Variants in KCNN2 observed in about 807,000 individuals in gnomAD.
KCNN2 encodes the protein potassium calcium-activated channel subfamily N member 2.
A neutral mutation model predicts 55.5 loss-of-function variants in KCNN2; 24 were observed. That is an observed-to-expected ratio of 0.43 (90% CI 0.31 to 0.61). The LOEUF is 0.61. Among genes scored for constraint, KCNN2 ranks in the 20% least tolerant of loss-of-function variants. KCNN2 has a pLI of 0.08. For synonymous variants in KCNN2, 431 were observed against 336.1 expected (o/e 1.28, Z -3.09); for missense variants, 754 against 853.6 (o/e 0.88, Z 1.45).
chr5:114,467,726 G>A (rs556761193), intron 4 of KCNN2, among the ~76,000 whole-genome samples: 72 of 151,964 alleles, frequency 4.7e-4, no homozygotes, highest in African/African-American at 1.3e-3. Context: ...GACAGCTGCC[G>A]TCTTCCGGGT....
intron 2 of KCNN2, among the ~76,000 whole-genome samples, chr5:114,283,383 A>G (rs1470428739): frequency 6.6e-6 from 1 of 152,068 alleles, no homozygotes; most frequent in Non-Finnish European, 1.5e-5. Context: ...TTTCTAGTTC[A>G]TTAGTTTTTG....
At chr5:114,315,136 C>A (rs1440742703) in intron 2 of KCNN2, among the ~76,000 whole-genome samples, 1 of 152,116 alleles carries the variant, frequency 6.6e-6, no homozygotes, top group Non-Finnish European at 1.5e-5. Flanking sequence ...CCATCCTTGT[C>A]CCAGGAAGAC....
At chr5:114,124,410 C>T (rs1419919040) in intron 1 of KCNN2, among the ~76,000 whole-genome samples, 12 of 152,178 alleles carry the variant, frequency 7.9e-5, no homozygotes, top group African/African-American at 2.6e-4. Flanking sequence ...TAAGGGACAC[C>T]GTATGGAACT....
chr5:114,452,514 A>G (rs933559167), intron 3 of KCNN2, among the ~76,000 whole-genome samples: 3 of 152,228 alleles, frequency 2.0e-5, no homozygotes, highest in Non-Finnish European at 2.9e-5. Flanking sequence ...CAGTGCCTCC[A>G]AAAGTTTCTT....
intron 3 of KCNN2, among the ~76,000 whole-genome samples, chr5:114,410,480 A>G (rs772618550): frequency 5.3e-5 from 8 of 152,300 alleles, no homozygotes; most frequent in African/African-American, 9.6e-5. Flanking sequence ...TCAAGAGGGA[A>G]AAAGAGTATT....
intron 2 of KCNN2, among the ~76,000 whole-genome samples, chr5:114,311,019 G>T (rs1213805856): frequency 6.6e-6 from 1 of 152,044 alleles, no homozygotes; most frequent in Non-Finnish European, 1.5e-5. Flanking sequence ...GCCTAGAAAT[G>T]GACAATTTCT....
chr5:114,287,666 G>T (rs1240225334), intron 2 of KCNN2, among the ~76,000 whole-genome samples: 3 of 152,030 alleles, frequency 2.0e-5, no homozygotes, highest in Middle Eastern at 3.4e-3. Flanking sequence ...TTAAAACCTA[G>T]ATGACGGGTT....
At chr5:114,466,551 A>T (rs1465986878) in intron 4 of KCNN2, among the ~76,000 whole-genome samples, 3 of 152,112 alleles carry the variant, frequency 2.0e-5, no homozygotes, top group Admixed American at 6.6e-5. Flanking sequence ...TGATTGTTTC[A>T]AGAGTGAAAA....
chr5:114,180,563 T>A (rs114545759), intron 1 of KCNN2, among the ~76,000 whole-genome samples: 1 of 152,126 alleles, frequency 6.6e-6, no homozygotes, highest in African/African-American at 2.4e-5. Context: ...GCAAAAATAC[T>A]TTTTATTATC....
At chr5:114,283,513 T>C (rs190091866) in intron 2 of KCNN2, among the ~76,000 whole-genome samples, 21 of 152,324 alleles carry the variant, frequency 1.4e-4, no homozygotes, top group Admixed American at 4.6e-4. Context: ...TTTGCAAATA[T>C]AGATTTTCTG....
At chr5:114,123,414 G>A (rs1372063861) in intron 1 of KCNN2, among the ~76,000 whole-genome samples, 1 of 57,102 alleles carries the variant, frequency 1.8e-5, no homozygotes, top group East Asian at 2.2e-4. Context: ...CCAGGCTGGA[G>A]TGCAGTGGCG....
intron 1 of KCNN2, among the ~76,000 whole-genome samples, chr5:114,098,909 T>G (rs1201274335): frequency 6.6e-6 from 1 of 152,122 alleles, no homozygotes; most frequent in Non-Finnish European, 1.5e-5. Context: ...GACATTATAC[T>G]CACTGTCAGA....
At chr5:114,244,966 AG>A (rs1324562239) in intron 2 of KCNN2, among the ~76,000 whole-genome samples, 4 of 152,224 alleles carry the variant, frequency 2.6e-5, no homozygotes, top group Admixed American at 6.5e-5. Context: ...CACAAAATAA[AG>A]CAAAAAATAT....
intron 2 of KCNN2, among the ~76,000 whole-genome samples, chr5:114,233,857 A>G (rs981991462): frequency 2.0e-5 from 3 of 152,072 alleles, no homozygotes; most frequent in East Asian, 1.9e-4. Context: ...TCTGTTCCCT[A>G]TCCTCTGTAT....
chr5:114,415,997 G>A (rs1561617241), intron 3 of KCNN2, among the ~76,000 whole-genome samples: 2 of 152,238 alleles, frequency 1.3e-5, no homozygotes, highest in East Asian at 1.9e-4. Context: ...TCAGTTCTGT[G>A]CTTCACATGC....
At chr5:114,236,671 C>G (rs983502464) in intron 2 of KCNN2, among the ~76,000 whole-genome samples, 1 of 152,044 alleles carries the variant, frequency 6.6e-6, no homozygotes, top group African/African-American at 2.4e-5. Flanking sequence ...CATCCCGACT[C>G]CTGTGTTTAT....
At chr5:114,217,602 T>G (rs1020292306) in intron 1 of KCNN2, among the ~76,000 whole-genome samples, 1 of 152,262 alleles carries the variant, frequency 6.6e-6, no homozygotes, top group African/African-American at 2.4e-5. Flanking sequence ...CTAAATTAAC[T>G]TAAAATGAAT....
At chr5:114,066,833 C>A (rs1210184029) in intron 1 of KCNN2, among the ~76,000 whole-genome samples, 1 of 152,148 alleles carries the variant, frequency 6.6e-6, no homozygotes, top group East Asian at 1.9e-4. Context: ...CCCACTTTGG[C>A]CTCCCAAAGT....
At chr5:114,143,656 G>A (rs1457364221) in intron 1 of KCNN2, among the ~76,000 whole-genome samples, 1 of 152,146 alleles carries the variant, frequency 6.6e-6, no homozygotes, top group Non-Finnish European at 1.5e-5. Flanking sequence ...GTGACTGCAC[G>A]TCCATTCATA....
Sources: allele counts gnomAD v4.1 joint callset (sites outside exome capture counted in the v4.1 genomes callset), GRCh38; gene constraint gnomAD v4.1.1; transcripts MANE v1.5; gene names NCBI Gene and HGNC (gene_info 2026-07-23, HGNC 2026-07-21).